GHR: variants seen among roughly 807,000 people sequenced by gnomAD.
GHR encodes the protein GH receptor.
A neutral mutation model predicts 67.1 loss-of-function variants in GHR; 35 were observed. The observed-to-expected ratio is 0.52, with a 90% CI of 0.40 to 0.69. GHR has a LOEUF of 0.69. Ranked by LOEUF, GHR falls within the 30% of genes least tolerant of loss-of-function variation. GHR has a pLI of 0.00. For missense variants in GHR, 792 were observed against 764.6 expected, an observed-to-expected ratio of 1.04 and a Z score of -0.42; for synonymous variants, 272 against 269.1, an observed-to-expected ratio of 1.01 and a Z score of -0.10.
intron 1 of GHR, among the ~76,000 whole-genome samples, chr5:42,481,361 G>T (rs1745626317): frequency 6.6e-6 from 1 of 152,154 alleles, no homozygotes; most frequent in South Asian, 2.1e-4. Flanking sequence ...TGCCAATTAT[G>T]TGTCTTGGAG....
chr5:42,483,053 G>C (rs973183695), intron 1 of GHR, among the ~76,000 whole-genome samples: 1 of 152,174 alleles, frequency 6.6e-6, no homozygotes, highest in African/African-American at 2.4e-5. Context: ...TGTGATTCTT[G>C]CTGGCATTCA....
chr5:42,654,143 G>A (rs995305326), intron 3 of GHR, among the ~76,000 whole-genome samples: 1 of 152,122 alleles, frequency 6.6e-6, no homozygotes, highest in African/African-American at 2.4e-5. Context: ...TGCACAGGTT[G>A]TAAATTTCAG....
intron 1 of GHR, among the ~76,000 whole-genome samples, chr5:42,510,727 G>T (rs1424536840): frequency 1.3e-5 from 2 of 152,204 alleles, no homozygotes; most frequent in African/African-American, 4.8e-5. Flanking sequence ...GGGGAGCTGA[G>T]ATGAGACAGA....
chr5:42,648,692 C>T (rs549737442), intron 3 of GHR, among the ~76,000 whole-genome samples: 45 of 149,818 alleles, frequency 3.0e-4, no homozygotes, highest in Middle Eastern at 3.5e-3. Context: ...ACTACTAGTA[C>T]TAGTAGTAGT....
intron 1 of GHR, among the ~76,000 whole-genome samples, chr5:42,471,557 G>T (rs931329116): frequency 3.9e-5 from 6 of 152,202 alleles, no homozygotes; most frequent in Non-Finnish European, 1.5e-5. Context: ...AGAAAAGTCA[G>T]ACTGCCTAGT....
At chr5:42,697,237 T>C (rs1008714824) in intron 5 of GHR, among the ~76,000 whole-genome samples, 4 of 152,214 alleles carry the variant, frequency 2.6e-5, no homozygotes, top group African/African-American at 9.6e-5. Flanking sequence ...TTCTTTGGAT[T>C]TGAAGTACTA....
At chr5:42,441,465 C>CA in intron 1 of GHR, among the ~76,000 whole-genome samples, 1 of 150,042 alleles carries the variant, frequency 6.7e-6, no homozygotes, top group South Asian at 2.1e-4. Context: ...TCAAGGGAAA[C>CA]AAAAAGGATA....
rs757633803 is a variant in GHR, at chr5:42,719,439, C to T, written c.*15C>T. 4.6e-5 allele frequency: 74 copies of T among 1,608,700 alleles called. No homozygotes were observed. The highest frequency in any genetic ancestry group is 5.9e-5 in the Non-Finnish European group (69 of 1,178,792). On this transcript the variant is annotated 3_prime_UTR_variant, in exon 10 of 10. Transcript: ENST00000230882. ...TCATGCCTTAGCCTTTCTTTGGTTT[C>T]CCAAGAGCTACGTATTTAATAGCAA...
At chr5:42,612,528 CA>C (rs1405671692) in intron 2 of GHR, among the ~76,000 whole-genome samples, 1 of 152,034 alleles carries the variant, frequency 6.6e-6, no homozygotes, top group Non-Finnish European at 1.5e-5. Flanking sequence ...TGAGACACAA[CA>C]TCACATTACA....
chr5:42,446,259 G>T (rs1743801390), intron 1 of GHR, among the ~76,000 whole-genome samples: 1 of 152,176 alleles, frequency 6.6e-6, no homozygotes, highest in Non-Finnish European at 1.5e-5. Flanking sequence ...AGTTATGAGA[G>T]ACTTCCCAGA....
chr5:42,668,475 C>A (rs1756107120), intron 3 of GHR, among the ~76,000 whole-genome samples: 1 of 152,070 alleles, frequency 6.6e-6, no homozygotes. Context: ...CCAAAAATGT[C>A]TCCAGTCATT....
At chr5:42,521,311 A>C (rs1055588441) in intron 1 of GHR, among the ~76,000 whole-genome samples, 1 of 152,182 alleles carries the variant, frequency 6.6e-6, no homozygotes, top group African/African-American at 2.4e-5. Context: ...CATACACAGC[A>C]ATGGGCACTA....
chr5:42,630,828 T>C (rs1475318036), intron 3 of GHR, among the ~76,000 whole-genome samples: 2 of 132,488 alleles, frequency 1.5e-5, no homozygotes, highest in Non-Finnish European at 3.2e-5. Flanking sequence ...ACAAACATAA[T>C]ACTTTGCCCT....
At chr5:42,514,089 G>C in intron 1 of GHR, 1 of 983,106 alleles carries the variant, frequency 1.0e-6, no homozygotes, top group African/African-American at 1.7e-5. Flanking sequence ...GTTAAAATGA[G>C]CAACTTCTTT....
chr5:42,426,600 A>T (rs1415227592), intron 1 of GHR, among the ~76,000 whole-genome samples: 3 of 152,176 alleles, frequency 2.0e-5, no homozygotes, highest in Non-Finnish European at 2.9e-5. Context: ...TTTCTTCTTT[A>T]AAAAGAACCC....
intron 1 of GHR, chr5:42,467,501 G>T: frequency 1.8e-6 from 2 of 1,106,922 alleles, no homozygotes; most frequent in Non-Finnish European, 2.7e-6. Flanking sequence ...TTCTGGTGCC[G>T]AGCAAGTTGT....
intron 7 of GHR, among the ~76,000 whole-genome samples, chr5:42,712,290 G>A (rs183636135): frequency 6.6e-6 from 1 of 152,010 alleles, no homozygotes; most frequent in African/African-American, 2.4e-5. Flanking sequence ...CTGAATTCTT[G>A]TTTCCAAACT....
intron 1 of GHR, among the ~76,000 whole-genome samples, chr5:42,436,948 C>T (rs181229598): frequency 9.2e-5 from 14 of 152,294 alleles, no homozygotes; most frequent in Admixed American, 9.2e-4. Flanking sequence ...ATTTCTCTAA[C>T]CTATAATTCT....
intron 1 of GHR, among the ~76,000 whole-genome samples, chr5:42,433,214 A>G (rs1303971488): frequency 6.6e-6 from 1 of 152,006 alleles, no homozygotes; most frequent in Non-Finnish European, 1.5e-5. Context: ...ATTATGGAGC[A>G]TGACATTTTA....
Sources: allele counts gnomAD v4.1 joint callset (sites outside exome capture counted in the v4.1 genomes callset), GRCh38; gene constraint gnomAD v4.1.1; transcripts MANE v1.5; gene names NCBI Gene and HGNC (gene_info 2026-07-23, HGNC 2026-07-21).